Variants in N4BP2 observed in about 807,000 individuals in gnomAD.
N4BP2 encodes NEDD4 binding protein 2.
A neutral mutation model predicts 152.8 loss-of-function variants in N4BP2; 91 were observed. The observed-to-expected ratio is 0.60, with a 90% confidence interval of 0.50 to 0.71. N4BP2 has a LOEUF of 0.71. N4BP2 is among the 30% of genes least tolerant of loss of function. The pLI is 0.00. For synonymous variants in N4BP2, 646 were observed against 705.3 expected (o/e 0.92, Z 1.33); for missense variants, 1,923 against 2,059.1 (o/e 0.93, Z 1.28).
chr4:40,088,112 G>T (rs1714159103), intron 2 of N4BP2, among the ~76,000 whole-genome samples: 1 of 152,170 alleles, frequency 6.6e-6, no homozygotes, highest in African/African-American at 2.4e-5. Flanking sequence ...GTTGTTGTAT[G>T]CATCAGTAAT....
At chr4:40,151,963 A>G (rs555803812) in intron 16 of N4BP2, among the ~76,000 whole-genome samples, 3 of 77,056 alleles carry the variant, frequency 3.9e-5, no homozygotes, top group African/African-American at 1.2e-4. Flanking sequence ...AAATTTATTA[A>G]TTCATCTCAT....
chr4:40,126,203 A>G lies in N4BP2; in HGVS notation c.4400A>G (p.Lys1467Arg). 1 of 1,609,502 alleles carries G rather than the reference A, an allele frequency of 6.2e-7. No individual in the cohort carries two copies. The change falls in exon 12 of 18, where the codon AAA becomes AGA. Residue 1467 changes from lysine to arginine, a missense_variant. By Grantham distance (26) the Lys-to-Arg change is conservative. Coordinates refer to ENST00000261435, the MANE Select transcript of N4BP2 (RefSeq NM_018177.6). Reference sequence around the variant, plus strand: ...AAATCATCTCAGAGAACAGGCAAAAAATTACTGAAGACTTTAACAGCATCT... The same window carrying G: ...AAATCATCTCAGAGAACAGGCAAAAGATTACTGAAGACTTTAACAGCATCT... ...EQKSSQRTGK[K>R]LLKTLTASEM... is the part of the protein sequence containing the mutation.
At chr4:40,141,467 G>A (rs961079969) in intron 14 of N4BP2, among the ~76,000 whole-genome samples, 10 of 150,154 alleles carry the variant, frequency 6.7e-5, no homozygotes, top group Non-Finnish European at 1.3e-4. Context: ...GGGCAGAGGC[G>A]CTCCCCACAT....
At position 40,122,666 on chromosome 4, in the gene N4BP2, T is replaced by A. The variant is rs544274112; in HGVS notation, c.4198+357T>A. On this transcript the variant is annotated intron_variant, in intron 9 of 17. Transcript: ENST00000261435. ...TTCTGGAGGACTTTAAAAAATACAA[T>A]AGGAAGAAATAGAGAATATTTATAT... 6.6e-5 allele frequency among the ~76,000 whole-genome samples: 10 copies of A among 152,328 alleles called. No individual in the cohort carries two copies. In the East Asian group the frequency reaches 1.9e-3, roughly 29 times the overall value.
chr4:40,163,831 T>G, the N4BP2 span, among the ~76,000 whole-genome samples: 4 of 152,238 alleles, frequency 2.6e-5, no homozygotes, highest in African/African-American at 9.6e-5. Context: ...AGCATCCTAA[T>G]GATTTGATAT....
chr4:40,117,607 A>T (rs1212312979), intron 7 of N4BP2, among the ~76,000 whole-genome samples: 1 of 152,230 alleles, frequency 6.6e-6, no homozygotes, highest in Non-Finnish European at 1.5e-5. Context: ...GTGAAAACAC[A>T]AACAACTAAC....
At chr4:40,147,490 C>T (rs1348674590) in intron 16 of N4BP2, among the ~76,000 whole-genome samples, 3 of 147,458 alleles carry the variant, frequency 2.0e-5, no homozygotes, top group African/African-American at 5.1e-5. Context: ...AAGGGGCGGC[C>T]GGGCAGAGGC....
At chr4:40,094,551 T>TTTTA (rs1189668068) in intron 2 of N4BP2, among the ~76,000 whole-genome samples, 9 of 152,176 alleles carry the variant, frequency 5.9e-5, no homozygotes, top group Middle Eastern at 3.4e-3. Flanking sequence ...TCTTTTTTAT[T>TTTTA]TTTATTTATT....
chr4:40,057,714 TAG>T (rs1733320082), intron 1 of N4BP2, among the ~76,000 whole-genome samples: 1 of 152,102 alleles, frequency 6.6e-6, no homozygotes, highest in Non-Finnish European at 1.5e-5. Context: ...TCATCCTCAA[TAG>T]AGTGAGTCAT....
chr4:40,136,395 T>TATC (rs1553926172), intron 13 of N4BP2, among the ~76,000 whole-genome samples: 3 of 113,826 alleles, frequency 2.6e-5, no homozygotes, highest in African/African-American at 9.1e-5. Context: ...TCTATCTATC[T>TATC]TTTTTTTGAG....
At chr4:40,169,418 T>C in the N4BP2 span, among the ~76,000 whole-genome samples, 1 of 151,724 alleles carries the variant, frequency 6.6e-6, no homozygotes, top group Non-Finnish European at 1.5e-5. Flanking sequence ...ATTTTTAAAT[T>C]TCACATTATT....
chr4:40,178,376 T>A, the N4BP2 span, among the ~76,000 whole-genome samples: 1 of 151,582 alleles, frequency 6.6e-6, no homozygotes, highest in Non-Finnish European at 1.5e-5. Flanking sequence ...GATATATAAA[T>A]GTTGTAGGAA....
chr4:40,119,513 T>C (rs938085374), intron 8 of N4BP2, among the ~76,000 whole-genome samples: 14 of 152,172 alleles, frequency 9.2e-5, no homozygotes, highest in African/African-American at 3.4e-4. Flanking sequence ...CTTTGTGACT[T>C]TGTAAATGAA....
Position 40,121,192 on chromosome 4 carries a change from A to C in N4BP2, c.3081A>C (p.Lys1027Asn). Residue 1027 changes from lysine to asparagine, a missense_variant, in exon 9 of 18, where the codon AAA (lysine) becomes AAC (asparagine). Coordinates refer to ENST00000261435, the MANE Select transcript of N4BP2 (RefSeq NM_018177.6). ...TEPQDFALLW[K>N]IEKNKISISD... ...CACAGGATTTTGCTCTTTTATGGAA[A>C]ATAGAAAAGAATAAAATTAGCATTT... The C allele has an allele frequency of 6.2e-7, 1 of 1,614,084 alleles. No individual in the cohort carries two copies. Among genetic ancestry groups the C allele is most frequent in the Non-Finnish European group, 8.5e-7 (1 of 1,180,008 alleles).
chr4:40,121,300 A>G lies in N4BP2; in HGVS notation c.3189A>G (p.Gln1063=), dbSNP rs1362060940. Residue 1063 remains glutamine (Q), a synonymous_variant, in exon 9 of 18, where the codon CAA becomes CAG. Coordinates refer to ENST00000261435, the MANE Select transcript of N4BP2 (RefSeq NM_018177.6). ...VFNINTKSDV[Q]EAIPYRVMYD... Reference sequence around the variant, plus strand: ...ATATTAACACAAAATCAGACGTTCAAGAAGCAATTCCATATAGAGTAATGT... The same window carrying G: ...ATATTAACACAAAATCAGACGTTCAGGAAGCAATTCCATATAGAGTAATGT... 2 of 1,613,970 alleles carry G rather than the reference A, an allele frequency of 1.2e-6. No homozygotes were observed. The highest frequency in any genetic ancestry group is 3.3e-5 in the Admixed American group (2 of 59,934).
intron 2 of N4BP2, among the ~76,000 whole-genome samples, chr4:40,084,764 G>GGATTACAGGT (rs1442288529): frequency 2.6e-5 from 4 of 150,950 alleles, no homozygotes; most frequent in East Asian, 1.9e-4. Context: ...TGAGTAGCTG[G>GGATTACAGGT]GCCACCATGC....
At chr4:40,127,343 A>C (rs1718501530) in intron 12 of N4BP2, among the ~76,000 whole-genome samples, 1 of 150,562 alleles carries the variant, frequency 6.6e-6, no homozygotes, top group Admixed American at 6.6e-5. Context: ...TTAGACTCCC[A>C]AGTAGGTGGA....
At chr4:40,113,265 TTTC>T (rs958633575) in intron 6 of N4BP2, among the ~76,000 whole-genome samples, 164 bp from the exon 7 acceptor site, 2 of 152,202 alleles carry the variant, frequency 1.3e-5, no homozygotes, top group African/African-American at 4.8e-5. Flanking sequence ...AGTAGCTAAA[TTTC>T]TAATAGTTAA....
chr4:40,152,112 GAACT>G (rs1721200815), intron 16 of N4BP2, among the ~76,000 whole-genome samples: 1 of 152,144 alleles, frequency 6.6e-6, no homozygotes, highest in African/African-American at 2.4e-5. Flanking sequence ...GATGTTTTAA[GAACT>G]ATCTATCAGG....
Sources: allele counts gnomAD v4.1 joint callset (sites outside exome capture counted in the v4.1 genomes callset), GRCh38; gene constraint gnomAD v4.1.1; transcripts MANE v1.5; gene names NCBI Gene and HGNC (gene_info 2026-07-23, HGNC 2026-07-21).